Variants in CEP120 observed in about 807,000 individuals in gnomAD.
The protein encoded by CEP120 is centrosomal protein 120.
Under a neutral mutation model 126.5 loss-of-function variants are expected in CEP120, and 113 were observed. The observed-to-expected ratio is 0.89, with a 90% CI of 0.77 to 1.04. The LOEUF (loss-of-function observed/expected upper bound fraction) is 1.04. CEP120 is among the 50% of genes least tolerant of loss of function. The probability of loss-of-function intolerance (pLI) is 0.00; values close to 1 mark genes in which losing one functional copy is unlikely to be tolerated. For synonymous variants in CEP120, 400 were observed against 394.3 expected, an observed-to-expected ratio of 1.01 and a Z score of -0.17; for missense variants, 1,230 against 1,155.7, an observed-to-expected ratio of 1.06 and a Z score of -0.93.
chr5:123,368,359 G>A (rs1269647574), intron 17 of CEP120, among the ~76,000 whole-genome samples: 1 of 151,872 alleles, frequency 6.6e-6, no homozygotes, highest in Non-Finnish European at 1.5e-5. Context: ...TATCCAATGA[G>A]TGCTTCAAAT....
chr5:123,376,796 A>G (rs555048896), intron 16 of CEP120, among the ~76,000 whole-genome samples: 1 of 152,236 alleles, frequency 6.6e-6, no homozygotes, highest in African/African-American at 2.4e-5. Context: ...TGTCTCTGAA[A>G]TCATGGGCAT....
chr5:123,406,964 A>G (rs545348281), intron 4 of CEP120, among the ~76,000 whole-genome samples: 1 of 152,198 alleles, frequency 6.6e-6, no homozygotes, highest in South Asian at 2.1e-4. Flanking sequence ...GGGATTAGTA[A>G]TATTTTATTT....
chr5:123,390,856 G>A lies in CEP120; in HGVS notation c.1038+254C>T, dbSNP rs113466988. On this transcript the variant is annotated intron_variant, in intron 7 of 19. Coordinates refer to ENST00000306467, the MANE Select transcript of CEP120 (RefSeq NM_001375405.1). Reference sequence around the variant, plus strand: ...GAGTTCCTTTTCTGGAGTTGGGGGTGGGGGAGACCATAAGTGGGTTTCCAC... The same window carrying A: ...GAGTTCCTTTTCTGGAGTTGGGGGTAGGGGAGACCATAAGTGGGTTTCCAC... 1,141 of 347,920 alleles carry A rather than the reference G, an allele frequency of 3.3e-3. 8 individuals carry two copies. The highest frequency in any genetic ancestry group is 0.021 in the African/African-American group (996 of 47,854). The allele number at this position is 347,920 out of a possible 1,614,324, so 21.6% of individuals were successfully genotyped here.
At chr5:123,422,661 T>C (rs1380553262) in intron 1 of CEP120, 15 of 924,584 alleles carry the variant, frequency 1.6e-5, no homozygotes, top group Non-Finnish European at 2.3e-5. Context: ...TCAGCTCATA[T>C]ATAAAAGCCA....
At chr5:123,423,775 ATCTAAAC>A (rs1284561804), upstream of CEP120, among the ~76,000 whole-genome samples, 3 of 152,230 alleles carry the variant, frequency 2.0e-5, no homozygotes, top group Non-Finnish European at 4.4e-5. Flanking sequence ...AATGACTTAA[ATCTAAAC>A]TCTAAAGTCC....
chr5:123,391,170 C>G lies in CEP120; in HGVS notation c.978G>C (p.Val326=). Residue 326 remains valine (V), a synonymous_variant, in exon 7 of 20, where the codon GTG becomes GTC. Transcript: ENST00000306467. The stretch of plus-strand genomic sequence containing the variant: ...ACACTCCCACAGTTGGGGCTAGCTC[C>G]ACAGGAATAGGTGCAAGCTTCTGTT... ...RAKQKLAPIP[V]ELAPTVGVSV... is the part of the protein sequence containing the mutation. The G allele has an allele frequency of 6.2e-7, 1 of 1,614,156 alleles. No individual in the cohort carries two copies. The highest frequency in any genetic ancestry group is 1.3e-5 in the African/African-American group (1 of 75,048).
chr5:123,413,933 T>C (rs893164600), intron 3 of CEP120, among the ~76,000 whole-genome samples: 23 of 152,234 alleles, frequency 1.5e-4, no homozygotes, highest in Non-Finnish European at 2.2e-4. Context: ...TTTCTGTTTA[T>C]ATTTATTTAC....
intron 17 of CEP120, among the ~76,000 whole-genome samples, chr5:123,371,508 T>C (rs1441423252): frequency 6.6e-6 from 1 of 151,952 alleles, no homozygotes; most frequent in Non-Finnish European, 1.5e-5. Context: ...ATCTGGGAAT[T>C]ATGGGAGATA....
In CEP120 at chr5:123,389,955, C is replaced by A; in HGVS notation, c.1224G>T (p.Gln408His). The A allele has an allele frequency of 6.2e-7, 1 of 1,614,166 alleles. No individual in the cohort carries two copies. Among genetic ancestry groups the A allele is most frequent in the Non-Finnish European group, 8.5e-7 (1 of 1,180,004 alleles). The change falls in exon 8 of 20, where the codon CAG becomes CAT. Residue 408 changes from glutamine (Q) to histidine (H), a missense_variant. Gln to His is a conservative substitution (Grantham distance 24). Transcript: ENST00000306467. ...DATESEVESL[Q>H]YDKDTKPNPK... ...GATTTGGTTTGGTGTCCTTATCATA[C>A]TGTAAACTTTCCACTTCACTTTCTG...
Position 123,386,633 on chromosome 5 carries a change from T to C in CEP120, c.1465A>G (p.Ile489Val), listed in dbSNP as rs754462811. The C allele has an allele frequency of 8.5e-6, 13 of 1,523,682 alleles. No individual in the cohort carries two copies. Among genetic ancestry groups the C allele is most frequent in the Admixed American group, 2.0e-5 (1 of 49,128 alleles). The allele number at this position is 1,523,682 out of a possible 1,614,324, so 94.4% of individuals were successfully genotyped here. A position where few individuals can be genotyped will look rare whatever the true frequency, so the allele number is the denominator to read the frequency against. Residue 489 changes from isoleucine to valine, a missense_variant, in exon 10 of 20, where the codon ATT (isoleucine) becomes GTT (valine). By Grantham distance (29) the Ile-to-Val change is conservative (BLOSUM62 3). Transcript: ENST00000306467. ...SYPFFGSAAP[I>V]MTNPPVEVRK... ...ACTTCTACAGGAGGATTAGTCATAA[T>C]AGGAGCTGCACTTCCAAAGAATGGA... is the stretch of plus-strand genomic sequence containing the variant.
chr5:123,403,018 C>T lies in CEP120; in HGVS notation c.464-3734G>A, dbSNP rs539169333. ...TTGAACTTCCCAGCCTCCAGCACTG[C>T]GAGAAATAAATTTGTTCTTTATAAA... On this transcript the variant is annotated intron_variant, in intron 4 of 19. Coordinates refer to ENST00000306467, the MANE Select transcript of CEP120 (RefSeq NM_001375405.1). Among the ~76,000 whole-genome samples the T allele has an allele frequency of 1.8e-4, 28 of 152,126 alleles. 1 individual carries two copies. The highest frequency in any genetic ancestry group is 2.9e-4 in the African/African-American group (12 of 41,414).
intron 15 of CEP120, among the ~76,000 whole-genome samples, chr5:123,377,815 T>A (rs947850069): frequency 6.6e-6 from 1 of 152,128 alleles, no homozygotes; most frequent in African/African-American, 2.4e-5. Context: ...AAAACCTTTT[T>A]AAGTGTGTAA....
At chr5:123,420,859 G>T (rs772023220) in intron 1 of CEP120, among the ~76,000 whole-genome samples, 2 of 152,192 alleles carry the variant, frequency 1.3e-5, no homozygotes, top group East Asian at 1.9e-4. Context: ...AATTATACTT[G>T]ATGACCATTT....
rs1488451696 is a variant in CEP120, at chr5:123,393,367, GCT to G, written c.741_742del (p.Arg247SerfsTer7). On this transcript the variant is annotated frameshift_variant, in exon 6 of 20. Transcript: ENST00000306467. LOFTEE classifies it high-confidence loss of function. ...TACACTGCTACGGATGCGAACTGAT[GCT>G]CTCTCTGGCTCAAAGTTTGGGTTGA... The G allele has an allele frequency of 1.2e-6, 2 of 1,614,124 alleles. No individual in the cohort carries two copies. The highest frequency in any genetic ancestry group is 1.3e-5 in the African/African-American group (1 of 75,036).
At chr5:123,417,694 T>C (rs996156292) in intron 2 of CEP120, among the ~76,000 whole-genome samples, 2 of 151,612 alleles carry the variant, frequency 1.3e-5, no homozygotes, top group African/African-American at 4.8e-5. Context: ...TTCTAGAATA[T>C]CTACTGTCTC....
At chr5:123,383,415 A>G (rs1260329779) in intron 11 of CEP120, among the ~76,000 whole-genome samples, 1 of 152,176 alleles carries the variant, frequency 6.6e-6, no homozygotes, top group Non-Finnish European at 1.5e-5. Flanking sequence ...TTTTATTTAT[A>G]TATAGATATA....
At chr5:123,401,927 C>G (rs1773271587) in intron 4 of CEP120, 4 of 1,548,838 alleles carry the variant, frequency 2.6e-6, no homozygotes, top group Admixed American at 3.3e-5. Flanking sequence ...AGCTCTTGAA[C>G]ATGTTGTCCA....
rs745936683 is a variant in CEP120 at position 123,372,761 on chromosome 5, A to G, written c.2370T>C (p.Ala790=). Residue 790 remains alanine (A), a synonymous_variant, in exon 17 of 20, where the codon GCT becomes GCC. Transcript: ENST00000306467. ...KHRLQQQLND[A]ENKYKILEKE... The stretch of plus-strand genomic sequence containing the variant: ...TTTCCAAAATCTTATACTTATTTTC[A>G]GCATCATTAAGCTGTATTAAAAAAA... The G allele has an allele frequency of 1.3e-6, 2 of 1,597,918 alleles. No individual in the cohort carries two copies. The highest frequency in any genetic ancestry group is 1.1e-5 in the South Asian group (1 of 87,934).
chr5:123,350,542 G>A (rs556620618), intron 18 of CEP120, among the ~76,000 whole-genome samples: 9 of 152,324 alleles, frequency 5.9e-5, no homozygotes, highest in Admixed American at 5.9e-4. Context: ...GAAAGAGGGT[G>A]CTATCAATAC....
Sources: gnomAD v4.1 joint callset for allele counts (sites outside exome capture counted in the v4.1 genomes callset) on GRCh38, gnomAD v4.1.1 for gene constraint, MANE v1.5 for transcripts, NCBI Gene and HGNC (gene_info 2026-07-23, HGNC 2026-07-21) for gene names.